Variants in LTBP1 observed in about 807,000 individuals in gnomAD.
LTBP1 encodes the protein latent-transforming growth factor beta-binding protein 1.
A neutral mutation model predicts 207.6 loss-of-function variants in LTBP1; 129 were observed. The ratio of observed to expected loss-of-function variants is 0.62; its 90% CI spans 0.54 to 0.72. LTBP1 has a LOEUF of 0.72. Ranked by LOEUF, LTBP1 falls within the 30% of genes least tolerant of loss-of-function variation. The pLI is 0.00. For missense variants in LTBP1, 2,281 were observed against 2,217.2 expected, an observed-to-expected ratio of 1.03 and a Z score of -0.58; for synonymous variants, 963 against 833.7, an observed-to-expected ratio of 1.16 and a Z score of -2.67.
intron 3 of LTBP1, among the ~76,000 whole-genome samples, chr2:33,099,937 C>A (rs747296563): frequency 6.6e-5 from 10 of 152,192 alleles, no homozygotes; most frequent in Non-Finnish European, 1.3e-4. Context: ...ATAAAATTAG[C>A]ATCCGAAACC....
rs928214212 is a variant in LTBP1 at position 33,263,393 on chromosome 2, G to A, written c.2617+1G>A. On this transcript the variant is annotated splice_donor_variant, in intron 15 of 33. Coordinates refer to ENST00000404816, the MANE Select transcript of LTBP1 (RefSeq NM_206943.4). LOFTEE classifies it high-confidence loss of function. ...GTGATTGCTCCTACTCAAGTGACAG[G>A]TTGGTGCAGTATTTTTACATTATAT... The A allele has an allele frequency of 6.2e-7, 1 of 1,610,920 alleles. No individual in the cohort carries two copies. The highest frequency in any genetic ancestry group is 8.5e-7 in the Non-Finnish European group (1 of 1,177,542).
chr2:33,188,909 A>G (rs774314908), intron 7 of LTBP1, 58 bp downstream of exon 7: 8 of 1,535,098 alleles, frequency 5.2e-6, no homozygotes, highest in East Asian at 4.5e-5. Flanking sequence ...TATCATTTTA[A>G]CAAGAAAGCC....
chr2:33,205,792 A>G (rs938366200), intron 7 of LTBP1, among the ~76,000 whole-genome samples: 1 of 152,178 alleles, frequency 6.6e-6, no homozygotes, highest in Non-Finnish European at 1.5e-5. Flanking sequence ...AAAGGAGATA[A>G]CTAAGGTTAA....
intron 3 of LTBP1, 137 bp from the exon 4 acceptor site, chr2:33,110,445 A>G (rs903512229): frequency 2.2e-5 from 16 of 721,872 alleles, no homozygotes; most frequent in Non-Finnish European, 2.2e-6. Flanking sequence ...CAGCGACAGT[A>G]TTTGAAGGAA....
chr2:33,259,616 T>G lies in LTBP1; in HGVS notation c.2418+6T>G. The G allele has an allele frequency of 6.2e-7, 1 of 1,603,762 alleles. No individual in the cohort carries two copies. Among genetic ancestry groups the G allele is most frequent in the Non-Finnish European group, 8.5e-7 (1 of 1,175,806 alleles). ...CAACTGCACCCCCTGAAAAGGTAAT[T>G]TATTCATTGCTTGCAAGTCTTTTTT... On this transcript the variant is annotated splice_donor_region_variant and intron_variant, in intron 13 of 33. Transcript: ENST00000404816.
intron 2 of LTBP1, among the ~76,000 whole-genome samples, chr2:32,998,698 A>T (rs1478109875): frequency 6.6e-6 from 1 of 152,048 alleles, no homozygotes; most frequent in Non-Finnish European, 1.5e-5. Context: ...CTGCAGGTGG[A>T]GCCCTCATGA....
At chr2:33,208,686 A>T (rs1337700653) in intron 7 of LTBP1, among the ~76,000 whole-genome samples, 1 of 152,080 alleles carries the variant, frequency 6.6e-6, no homozygotes, top group Non-Finnish European at 1.5e-5. Flanking sequence ...CCTGCCCTGG[A>T]GCTTTCATAA....
intron 9 of LTBP1, among the ~76,000 whole-genome samples, chr2:33,233,554 T>G (rs72858058): frequency 5.5e-4 from 83 of 152,236 alleles, no homozygotes; most frequent in African/African-American, 1.6e-3. Flanking sequence ...CATTAAAATT[T>G]TTAATTGGGT....
At chr2:33,213,604 G>A (rs1353912278) in intron 7 of LTBP1, among the ~76,000 whole-genome samples, 1 of 152,164 alleles carries the variant, frequency 6.6e-6, no homozygotes, top group East Asian at 1.9e-4. Flanking sequence ...CCTACATCCA[G>A]GTGAGACCCT....
chr2:33,328,855 G>T (rs79933436), intron 24 of LTBP1, among the ~76,000 whole-genome samples: 1 of 152,266 alleles, frequency 6.6e-6, no homozygotes, highest in African/African-American at 2.4e-5. Flanking sequence ...CTTGTCATGT[G>T]TAGTAGTCCA....
intron 4 of LTBP1, among the ~76,000 whole-genome samples, chr2:33,125,985 C>T (rs2081410494): frequency 6.6e-6 from 1 of 152,130 alleles, no homozygotes. Context: ...GTAAGAGCTG[C>T]AGTTATCTGA....
At chr2:33,081,241 T>G (rs1489609469) in intron 3 of LTBP1, among the ~76,000 whole-genome samples, 1 of 152,146 alleles carries the variant, frequency 6.6e-6, no homozygotes, top group East Asian at 1.9e-4. Flanking sequence ...TAGGACCGGC[T>G]TCAGGGGAGA....
chr2:33,267,062 C>T (rs565914324), intron 15 of LTBP1, among the ~76,000 whole-genome samples: 12 of 152,336 alleles, frequency 7.9e-5, no homozygotes, highest in Admixed American at 2.6e-4. Context: ...GCACTGTGTC[C>T]GCCATCTCCA....
At chr2:33,207,033 T>C (rs1195089278) in intron 7 of LTBP1, among the ~76,000 whole-genome samples, 1 of 152,192 alleles carries the variant, frequency 6.6e-6, no homozygotes, top group Non-Finnish European at 1.5e-5. Flanking sequence ...ACTTAAATTT[T>C]CTTTTTGCAA....
In LTBP1 at chr2:33,154,689, A is replaced by G. The variant is rs981214201; in HGVS notation, c.1201+19729A>G. The stretch of plus-strand genomic sequence containing the variant: ...ATACATTTGTGAATATCTAGGATAA[A>G]TTCTTAGAAACAAAATTGCTGCATC... On this transcript the variant is annotated intron_variant, in intron 5 of 33. Coordinates refer to ENST00000404816, the MANE Select transcript of LTBP1 (RefSeq NM_206943.4). Among the ~76,000 whole-genome samples the G allele has an allele frequency of 3.9e-5, 6 of 152,314 alleles. No individual in the cohort carries two copies. In the East Asian group the frequency reaches 1.2e-3, roughly 29 times the overall value.
chr2:33,012,280 G>C (rs79005982), intron 2 of LTBP1, among the ~76,000 whole-genome samples: 1 of 152,188 alleles, frequency 6.6e-6, no homozygotes, highest in African/African-American at 2.4e-5. Flanking sequence ...GATGGGGTGG[G>C]GGGGGCTTCA....
At chr2:33,091,976 G>A (rs559219129) in intron 3 of LTBP1, among the ~76,000 whole-genome samples, 4 of 152,310 alleles carry the variant, frequency 2.6e-5, no homozygotes, top group South Asian at 4.1e-4. Flanking sequence ...CTGGCCAGGC[G>A]TGGGGCACCT....
At chr2:33,369,812 T>C (rs79396954) in intron 31 of LTBP1, among the ~76,000 whole-genome samples, 1 of 152,240 alleles carries the variant, frequency 6.6e-6, no homozygotes, top group African/African-American at 2.4e-5. Context: ...CAGAGAGAAG[T>C]ACACAGTGAA....
chr2:32,999,090 T>C (rs1306183765), intron 2 of LTBP1, among the ~76,000 whole-genome samples: 1 of 152,226 alleles, frequency 6.6e-6, no homozygotes, highest in Non-Finnish European at 1.5e-5. Context: ...CCTGTGATTC[T>C]GTTGCTTCCT....
Sources: gnomAD v4.1 joint callset for allele counts (sites outside exome capture counted in the v4.1 genomes callset) on GRCh38, gnomAD v4.1.1 for gene constraint, MANE v1.5 for transcripts, NCBI Gene and HGNC (gene_info 2026-07-23, HGNC 2026-07-21) for gene names.